The following SCGB2B2 variants were observed in gnomAD, a reference collection of about 807,000 sequenced individuals.
The protein encoded by SCGB2B2 is secretoglobin-like protein.
SCGB2B2 carries 11 observed loss-of-function variants against 7.6 expected under a neutral mutation model. The observed-to-expected ratio is 1.45, with a 90% CI of 0.91 to 2.40. The LOEUF is 2.40. Among genes scored for constraint, SCGB2B2 ranks in the 30% most tolerant of loss-of-function variants. The pLI, the probability that SCGB2B2 is intolerant of heterozygous loss-of-function variation, is 0.00. For missense variants in SCGB2B2, 104 were observed against 115.4 expected (o/e 0.90, Z 0.45); for synonymous variants, 50 against 48.6 (o/e 1.03, Z -0.12).
chr19:34,593,661 C>A, intron 3 of SCGB2B2, 62 bp from the exon 4 acceptor site: 1 of 1,360,008 alleles, frequency 7.4e-7, no homozygotes, highest in South Asian at 1.3e-5. Flanking sequence ...CCAGACTCAT[C>A]GTTATTGCCC....
At chr19:34,621,338 A>G (rs1001198347) in intron 1 of SCGB2B2, among the ~76,000 whole-genome samples, 1 of 152,200 alleles carries the variant, frequency 6.6e-6, no homozygotes, top group African/African-American at 2.4e-5. Flanking sequence ...CCTAATAAAC[A>G]GGCATACCTG....
At chr19:34,660,077 C>T (rs1219172487) in intron 1 of SCGB2B2, among the ~76,000 whole-genome samples, 1 of 152,106 alleles carries the variant, frequency 6.6e-6, no homozygotes, top group Non-Finnish European at 1.5e-5. Flanking sequence ...AACTGGCTAG[C>T]CATATGTAGA....
intron 1 of SCGB2B2, among the ~76,000 whole-genome samples, chr19:34,660,014 A>G (rs1463315346): frequency 6.6e-6 from 1 of 152,242 alleles, no homozygotes; most frequent in Non-Finnish European, 1.5e-5. Flanking sequence ...GACAAACCTG[A>G]CAAAAACAAG....
At chr19:34,658,885 C>A (rs1600068258) in intron 1 of SCGB2B2, among the ~76,000 whole-genome samples, 1 of 151,198 alleles carries the variant, frequency 6.6e-6, no homozygotes, top group East Asian at 2.0e-4. Flanking sequence ...TGCGAAAATC[C>A]TCAATAAAAT....
At chr19:34,620,449 G>A (rs1349022053) in intron 1 of SCGB2B2, among the ~76,000 whole-genome samples, 1 of 138,326 alleles carries the variant, frequency 7.2e-6, no homozygotes, top group African/African-American at 2.7e-5. Flanking sequence ...AACACTGCAT[G>A]TTCTCACTCA....
intron 1 of SCGB2B2, among the ~76,000 whole-genome samples, chr19:34,668,793 C>T (rs969012575): frequency 1.3e-5 from 2 of 152,102 alleles, no homozygotes; most frequent in African/African-American, 4.8e-5. Context: ...CTAGTGGGGA[C>T]GTGGAGAACC....
chr19:34,622,344 CAGG>C (rs2066263924), intron 1 of SCGB2B2, among the ~76,000 whole-genome samples: 1 of 152,152 alleles, frequency 6.6e-6, no homozygotes, highest in African/African-American at 2.4e-5. Context: ...TTTTGAGCCC[CAGG>C]TTCCCAAGTC....
At chr19:34,654,127 T>C (rs2067228412) in intron 1 of SCGB2B2, among the ~76,000 whole-genome samples, 1 of 151,316 alleles carries the variant, frequency 6.6e-6, no homozygotes, top group African/African-American at 2.5e-5. Context: ...TTACAAATTA[T>C]ATACTTTAGA....
intron 1 of SCGB2B2, among the ~76,000 whole-genome samples, chr19:34,659,768 C>A (rs2067398141): frequency 6.6e-6 from 1 of 152,148 alleles, no homozygotes; most frequent in African/African-American, 2.4e-5. Flanking sequence ...TGACTTTCTT[C>A]ACAGAATTGG....
intron 1 of SCGB2B2, among the ~76,000 whole-genome samples, chr19:34,660,667 T>C (rs1348208011): frequency 2.6e-5 from 4 of 152,174 alleles, no homozygotes; most frequent in South Asian, 4.1e-4. Context: ...TGCTTTTACA[T>C]TGTTGGTTGA....
intron 1 of SCGB2B2, among the ~76,000 whole-genome samples, chr19:34,659,395 G>A (rs555390544): frequency 6.6e-6 from 1 of 152,252 alleles, no homozygotes; most frequent in Admixed American, 6.5e-5. Flanking sequence ...AAACCTCATC[G>A]TTTCAGCCAA....
At chr19:34,648,527 GT>G (rs2067080282) in intron 1 of SCGB2B2, among the ~76,000 whole-genome samples, 1 of 152,126 alleles carries the variant, frequency 6.6e-6, no homozygotes, top group African/African-American at 2.4e-5. Context: ...TAATCTGTAA[GT>G]TGTCATGAAA....
At chr19:34,622,597 G>A (rs1280098921) in intron 1 of SCGB2B2, among the ~76,000 whole-genome samples, 1 of 152,178 alleles carries the variant, frequency 6.6e-6, no homozygotes, top group Non-Finnish European at 1.5e-5. Context: ...AAAGAGCTGA[G>A]CCTTAAATTT....
chr19:34,636,664 G>C (rs1421274135), intron 1 of SCGB2B2, among the ~76,000 whole-genome samples: 5 of 152,250 alleles, frequency 3.3e-5, no homozygotes, highest in Admixed American at 6.5e-5. Context: ...GCCCTGGCCA[G>C]ATTCAGTGTA....
In SCGB2B2 at chr19:34,676,414, A is replaced by G. The variant is rs2067950206; in HGVS notation, c.-2816T>C. ...ACCCTGTATGGTTCAAAAAGCTGGG[A>G]AGCCCTCAGCTCCGAGAAATTGAAA... On this transcript the variant is annotated 5_prime_UTR_variant, in exon 1 of 4. Transcript: ENST00000601241. 1 of 152,230 alleles carries G rather than the reference A, an allele frequency of 6.6e-6. No homozygotes were observed. Among genetic ancestry groups the G allele is most frequent in the South Asian group, 2.1e-4 (1 of 4,832 alleles). 9.4% of individuals were successfully genotyped at this position (152,230 alleles called of 1,614,324 possible).
At chr19:34,644,350 G>GTTT (rs76842372) in intron 1 of SCGB2B2, among the ~76,000 whole-genome samples, 2 of 120,730 alleles carry the variant, frequency 1.7e-5, no homozygotes, top group Admixed American at 8.5e-5. Context: ...TTGTTTTTTT[G>GTTT]TTTTTTTTTT....
chr19:34,596,817 G>T (rs977206946), intron 1 of SCGB2B2, among the ~76,000 whole-genome samples: 6 of 151,976 alleles, frequency 3.9e-5, no homozygotes, highest in Non-Finnish European at 7.4e-5. Context: ...GGGCTGAGCA[G>T]CAGAGTCAGG....
intron 1 of SCGB2B2, among the ~76,000 whole-genome samples, chr19:34,663,701 A>C (rs1201422044): frequency 1.3e-5 from 2 of 152,130 alleles, no homozygotes; most frequent in Non-Finnish European, 2.9e-5. Context: ...GGTGTGTCCT[A>C]GTCTGTATTT....
chr19:34,613,781 A>C (rs920403163), intron 1 of SCGB2B2, among the ~76,000 whole-genome samples: 3 of 152,060 alleles, frequency 2.0e-5, no homozygotes, highest in African/African-American at 7.2e-5. Flanking sequence ...CAGATGTAGT[A>C]CTTCTTTGAG....
Sources: allele counts gnomAD v4.1 joint callset (sites outside exome capture counted in the v4.1 genomes callset), GRCh38; gene constraint gnomAD v4.1.1; transcripts MANE v1.5; gene names NCBI Gene and HGNC (gene_info 2026-07-23, HGNC 2026-07-21).